Variants in MAPK10 observed in about 807,000 individuals in gnomAD.
MAPK10 encodes JNK3 alpha protein kinase.
Under a neutral mutation model 59.3 loss-of-function variants are expected in MAPK10, and 25 were observed. The ratio of observed to expected loss-of-function variants is 0.42; its 90% CI spans 0.31 to 0.59. The LOEUF is 0.59. Ranked by LOEUF, MAPK10 falls within the 20% of genes least tolerant of loss-of-function variation. The pLI is 0.15. For synonymous variants in MAPK10, 190 were observed against 200.5 expected, an observed-to-expected ratio of 0.95 and a Z score of 0.44; for missense variants, 351 against 568.9, an observed-to-expected ratio of 0.62 and a Z score of 3.90.
At chr4:86,022,492 T>C (rs1747737409) in intron 13 of MAPK10, among the ~76,000 whole-genome samples, 1 of 150,650 alleles carries the variant, frequency 6.6e-6, no homozygotes, top group Admixed American at 6.6e-5. Flanking sequence ...TCTTCCTTTC[T>C]TTCTTGCTTT....
intron 2 of MAPK10, among the ~76,000 whole-genome samples, chr4:86,349,656 G>C (rs960529658): frequency 1.3e-5 from 2 of 152,198 alleles, no homozygotes; most frequent in Non-Finnish European, 2.9e-5. Flanking sequence ...TCCAGGAGGA[G>C]ATAGAATCTT....
chr4:86,383,443 T>G (rs1741033108), intron 1 of MAPK10, among the ~76,000 whole-genome samples: 1 of 152,210 alleles, frequency 6.6e-6, no homozygotes, highest in Non-Finnish European at 1.5e-5. Flanking sequence ...TAGCATAGGA[T>G]AAACAGGTAG....
At chr4:86,031,477 A>G in intron 11 of MAPK10, 46 bp from the exon 12 acceptor site, 1 of 1,336,048 alleles carries the variant, frequency 7.5e-7, no homozygotes, top group Non-Finnish European at 1.1e-6. Context: ...TAATGTAAAC[A>G]TAACTAAACT....
At chr4:86,100,276 T>C (rs1448368132) in intron 8 of MAPK10, 1 of 152,180 alleles carries the variant, frequency 6.6e-6, no homozygotes, top group Non-Finnish European at 1.5e-5. Flanking sequence ...AGATATAGTC[T>C]CATCAAAATA....
chr4:86,592,522 A>G (rs985120485), intron 1 of MAPK10, among the ~76,000 whole-genome samples: 1 of 152,246 alleles, frequency 6.6e-6, no homozygotes, highest in African/African-American at 2.4e-5. Flanking sequence ...TCTTTCCAAT[A>G]AATACATGAA....
At chr4:86,234,741 T>A (rs2092024124) in intron 2 of MAPK10, among the ~76,000 whole-genome samples, 1 of 152,124 alleles carries the variant, frequency 6.6e-6, no homozygotes, top group Non-Finnish European at 1.5e-5. Flanking sequence ...CCAGAGTTAA[T>A]CCTTCAGTTC....
chr4:86,118,336 T>C (rs1163244403), intron 4 of MAPK10, among the ~76,000 whole-genome samples: 1 of 152,176 alleles, frequency 6.6e-6, no homozygotes, highest in African/African-American at 2.4e-5. Flanking sequence ...CTTTCTGCTA[T>C]CTTTATGCAG....
intron 2 of MAPK10, among the ~76,000 whole-genome samples, chr4:86,218,978 A>G (rs2088685148): frequency 6.6e-6 from 1 of 152,202 alleles, no homozygotes; most frequent in Admixed American, 6.5e-5. Flanking sequence ...CTCTTCTTGT[A>G]GGGAGGAATT....
At chr4:86,359,284 CTCTCTGTGTGTG>C (rs1564709353) in intron 1 of MAPK10, among the ~76,000 whole-genome samples, 2 of 132,882 alleles carry the variant, frequency 1.5e-5, no homozygotes, top group East Asian at 2.2e-4. Context: ...CTCTCTCTCT[CTCTCTGTGTGTG>C]TGTGTGTGTG....
chr4:86,461,227 C>T (rs906115674), intron 1 of MAPK10, among the ~76,000 whole-genome samples: 2 of 152,008 alleles, frequency 1.3e-5, no homozygotes, highest in Non-Finnish European at 2.9e-5. Context: ...AAACTGTGCC[C>T]AAGGCGGTTG....
At chr4:86,574,770 G>A (rs1761748256) in intron 1 of MAPK10, among the ~76,000 whole-genome samples, 2 of 152,110 alleles carry the variant, frequency 1.3e-5, no homozygotes, top group South Asian at 4.1e-4. Context: ...TAATCTTTGG[G>A]AGGGGATGGG....
chr4:86,507,650 ATATATATATATATATATATAT>A, intron 1 of MAPK10, among the ~76,000 whole-genome samples: 1 of 95,692 alleles, frequency 1.0e-5, no homozygotes, highest in East Asian at 2.9e-4. Flanking sequence ...ATATATATAT[ATATATATATATATATATATAT>A]AAAATCATGT....
At chr4:86,292,883 A>G (rs1480509611) in intron 2 of MAPK10, among the ~76,000 whole-genome samples, 1 of 152,184 alleles carries the variant, frequency 6.6e-6, no homozygotes, top group Non-Finnish European at 1.5e-5. Context: ...CTATTTTTGC[A>G]TAACTCATTA....
intron 10 of MAPK10, chr4:86,065,728 A>G (rs1394049353): frequency 6.6e-6 from 1 of 152,204 alleles, no homozygotes; most frequent in Admixed American, 6.5e-5. Context: ...ATCTCAAATC[A>G]ATATTGTTAC....
rs201480828 is a variant in MAPK10, at chr4:86,074,140, AT to A, written c.803-6186del. ...TTCTTGTTGAATTGATCCCTTTACCATTATGTAATGACCTTCTTTGTCTCTT... is the reference window on the plus strand; with the variant it reads ...TTCTTGTTGAATTGATCCCTTTACCATATGTAATGACCTTCTTTGTCTCTT... On this transcript the variant is annotated intron_variant, in intron 9 of 13. Transcript: ENST00000641462. Among the ~76,000 whole-genome samples the A allele has an allele frequency of 2.8e-3, 319 of 114,054 alleles. 18 individuals carry two copies. The East Asian group carries it at 0.064, about 23-fold the overall frequency. The allele number at this position is 114,054 out of a possible 152,430, so 74.8% of individuals were successfully genotyped here. A position where few individuals can be genotyped will look rare whatever the true frequency, so the allele number is the denominator to read the frequency against.
intron 2 of MAPK10, among the ~76,000 whole-genome samples, chr4:86,235,488 C>G (rs192703015): frequency 6.7e-4 from 102 of 152,298 alleles, no homozygotes; most frequent in African/African-American, 2.4e-3. Flanking sequence ...ATGCTTTGTG[C>G]TCTTTCCTGT....
chr4:86,289,041 T>C (rs1037591390), intron 2 of MAPK10, among the ~76,000 whole-genome samples: 8 of 151,316 alleles, frequency 5.3e-5, no homozygotes, highest in Admixed American at 1.3e-4. Flanking sequence ...AAAGATGAAA[T>C]AGAACAAGGG....
chr4:86,228,455 C>G (rs888975058), intron 2 of MAPK10, among the ~76,000 whole-genome samples: 2 of 152,150 alleles, frequency 1.3e-5, no homozygotes, highest in African/African-American at 2.4e-5. Flanking sequence ...GCAGCTTCCT[C>G]TATCTGAAAT....
At chr4:86,435,863 C>A (rs568445469) in intron 1 of MAPK10, among the ~76,000 whole-genome samples, 1 of 152,248 alleles carries the variant, frequency 6.6e-6, no homozygotes, top group African/African-American at 2.4e-5. Flanking sequence ...ATATTAGAAA[C>A]AAAACCTTCC....
Sources: gnomAD v4.1 joint callset for allele counts (sites outside exome capture counted in the v4.1 genomes callset) on GRCh38, gnomAD v4.1.1 for gene constraint, MANE v1.5 for transcripts, NCBI Gene and HGNC (gene_info 2026-07-23, HGNC 2026-07-21) for gene names.